RNF144A: variants seen among roughly 807,000 people sequenced by gnomAD.
RNF144A encodes ring finger protein 144A.
Under a neutral mutation model 38.7 loss-of-function variants are expected in RNF144A, and 11 were observed. The observed-to-expected ratio is 0.28, with a 90% confidence interval of 0.18 to 0.47. The LOEUF (loss-of-function observed/expected upper bound fraction) is 0.47, where lower values mean the gene tolerates loss of function less well. Ranked by LOEUF, RNF144A falls within the 20% of genes least tolerant of loss-of-function variation. RNF144A has a pLI of 0.99. For missense variants in RNF144A, 316 were observed against 377.2 expected, an observed-to-expected ratio of 0.84 and a Z score of 1.34; for synonymous variants, 149 against 143.9, an observed-to-expected ratio of 1.04 and a Z score of -0.25.
intron 2 of RNF144A, among the ~76,000 whole-genome samples, chr2:6,965,342 G>A (rs905246314): frequency 1.3e-5 from 2 of 152,142 alleles, no homozygotes; most frequent in African/African-American, 2.4e-5. Context: ...GGTGGGGAGC[G>A]GCCCCCACCA....
At chr2:6,952,582 G>A (rs575197881) in intron 2 of RNF144A, among the ~76,000 whole-genome samples, 111 of 149,706 alleles carry the variant, frequency 7.4e-4, no homozygotes, top group Admixed American at 4.2e-3. Context: ...AGTCAGTTTT[G>A]TTAAGCTTTA....
chr2:6,924,586 C>T (rs1271055568), intron 1 of RNF144A, among the ~76,000 whole-genome samples: 1 of 152,176 alleles, frequency 6.6e-6, no homozygotes, highest in Non-Finnish European at 1.5e-5. Flanking sequence ...GCTGAGGAGA[C>T]AGGGCTGTTG....
chr2:6,976,635 A>G (rs1177549172), intron 2 of RNF144A, among the ~76,000 whole-genome samples: 2 of 148,496 alleles, frequency 1.3e-5, no homozygotes, highest in East Asian at 1.9e-4. Context: ...TACATTTCAT[A>G]TATATAAATT....
intron 8 of RNF144A, among the ~76,000 whole-genome samples, chr2:7,033,821 A>G (rs975705172): frequency 7.2e-5 from 11 of 152,150 alleles, no homozygotes; most frequent in African/African-American, 2.4e-5. Flanking sequence ...CCTCTTTGGC[A>G]CTGGTCCTGT....
At chr2:7,052,031 C>A (rs1195651494) in intron 6 of RNF144A, among the ~76,000 whole-genome samples, 1 of 152,148 alleles carries the variant, frequency 6.6e-6, no homozygotes, top group Non-Finnish European at 1.5e-5. Context: ...AATTAGAATG[C>A]CTAATTGGAA....
chr2:6,959,770 T>C (rs1667224808), intron 2 of RNF144A, among the ~76,000 whole-genome samples: 1 of 152,130 alleles, frequency 6.6e-6, no homozygotes, highest in African/African-American at 2.4e-5. Flanking sequence ...TATGACCCAG[T>C]CATTTCTTAA....
chr2:7,075,787 A>C, the RNF144A span, among the ~76,000 whole-genome samples: 1 of 152,152 alleles, frequency 6.6e-6, no homozygotes, highest in Non-Finnish European at 1.5e-5. Flanking sequence ...GACACATGGC[A>C]TCACTTCCAC....
In RNF144A at chr2:6,969,922, C is replaced by T. The variant is rs182739103; in HGVS notation, c.-11-26994C>T. 4.8e-3 allele frequency among the ~76,000 whole-genome samples: 736 copies of T among 151,952 alleles called. 11 individuals carry two copies. Among genetic ancestry groups the T allele is most frequent in the African/African-American group, 0.017 (696 of 41,450 alleles). On this transcript the variant is annotated intron_variant, in intron 2 of 8. Transcript: ENST00000320892. ...GACTACAGGCGCACACTGCCACGCC[C>T]GGCTAATTTTTGTATTTTTAGTAGA... is the stretch of plus-strand genomic sequence containing the variant.
rs141714411 is a variant in RNF144A at position 7,038,699 on chromosome 2, T to G, written c.748-930T>G. Among the ~76,000 whole-genome samples the G allele has an allele frequency of 4.0e-5, 6 of 151,004 alleles. No individual in the cohort carries two copies. In the East Asian group the frequency reaches 7.8e-4, roughly 20 times the overall value. ...GATGGATATATAGTGGGCAGATGAGTGGGTGGGTGGGTAGATGGTGGGTAT... is the reference window on the plus strand; with the variant it reads ...GATGGATATATAGTGGGCAGATGAGGGGGTGGGTGGGTAGATGGTGGGTAT... On this transcript the variant is annotated intron_variant, in intron 8 of 8. Coordinates refer to ENST00000320892, the MANE Select transcript of RNF144A (RefSeq NM_014746.6).
chr2:7,048,554 T>G (rs2460409), downstream of RNF144A, among the ~76,000 whole-genome samples: 88,618 of 152,002 alleles, frequency 0.58, 26,307 homozygotes, highest in South Asian at 0.89. Flanking sequence ...CACGTGAAGG[T>G]CAAGGATGGG....
At chr2:7,010,170 G>A (rs368060750) in intron 3 of RNF144A, among the ~76,000 whole-genome samples, 4 of 152,152 alleles carry the variant, frequency 2.6e-5, no homozygotes, top group African/African-American at 7.2e-5. Flanking sequence ...CGCTGTCTCC[G>A]GGGTACTGGA....
At chr2:6,974,828 A>G (rs1268720193) in intron 2 of RNF144A, among the ~76,000 whole-genome samples, 1 of 152,238 alleles carries the variant, frequency 6.6e-6, no homozygotes, top group Non-Finnish European at 1.5e-5. Context: ...GAGTTAGCTC[A>G]GAGACAAAAA....
chr2:6,973,821 C>T (rs537171422), intron 2 of RNF144A, among the ~76,000 whole-genome samples: 4 of 152,206 alleles, frequency 2.6e-5, no homozygotes, highest in South Asian at 4.1e-4. Flanking sequence ...CGGCCATGCC[C>T]GTTGGCTTAC....
chr2:6,990,802 AGT>A (rs1669317932), intron 2 of RNF144A, among the ~76,000 whole-genome samples: 1 of 152,118 alleles, frequency 6.6e-6, no homozygotes, highest in Non-Finnish European at 1.5e-5. Context: ...CATGCTGAAT[AGT>A]TGCTCTCCCC....
chr2:7,020,045 G>T (rs1428328692), intron 5 of RNF144A, among the ~76,000 whole-genome samples: 1 of 152,108 alleles, frequency 6.6e-6, no homozygotes, highest in Non-Finnish European at 1.5e-5. Context: ...GCCATCAGGG[G>T]TCCAGCTTCA....
intron 3 of RNF144A, among the ~76,000 whole-genome samples, chr2:7,009,023 C>T (rs994506405): frequency 6.6e-6 from 1 of 152,246 alleles, no homozygotes; most frequent in Non-Finnish European, 1.5e-5. Context: ...TCACCAGCCA[C>T]CGTGTGAGGG....
At position 6,979,914 on chromosome 2, in the gene RNF144A, A is replaced by G. The variant is rs1357709296; in HGVS notation, c.-11-17002A>G. The stretch of plus-strand genomic sequence containing the variant: ...AGAGGTTTAATTGAATCAATTCTGC[A>G]TGGCTGGGGAGGCCTCAGGAAACTC... On this transcript the variant is annotated intron_variant, in intron 2 of 8. Coordinates refer to ENST00000320892, the MANE Select transcript of RNF144A (RefSeq NM_014746.6). 2.6e-5 allele frequency among the ~76,000 whole-genome samples: 4 copies of G among 152,218 alleles called. No individual in the cohort carries two copies. The East Asian group carries it at 5.8e-4, about 22-fold the overall frequency.
Position 7,024,053 on chromosome 2 carries a change from A to AC in RNF144A, c.510-314dup, listed in dbSNP as rs1410410878. The stretch of plus-strand genomic sequence containing the variant: ...TTGACCTTAACACTATGATTCAGAT[A>AC]CCTCCGTTATAATAAGCCTTTCGCT... On this transcript the variant is annotated intron_variant, in intron 6 of 8. Coordinates refer to ENST00000320892, the MANE Select transcript of RNF144A (RefSeq NM_014746.6). Among the ~76,000 whole-genome samples, 5 of 152,276 alleles carry AC rather than the reference A, an allele frequency of 3.3e-5. No individual in the cohort carries two copies. In the East Asian group the frequency reaches 7.7e-4, roughly 23 times the overall value.
chr2:6,968,684 T>A (rs943280952), intron 2 of RNF144A, among the ~76,000 whole-genome samples: 15 of 134,238 alleles, frequency 1.1e-4, no homozygotes, highest in African/African-American at 4.0e-4. Flanking sequence ...CAGAATTACC[T>A]GTCAATGTGT....
Sources: gnomAD v4.1 joint callset for allele counts (sites outside exome capture counted in the v4.1 genomes callset) on GRCh38, gnomAD v4.1.1 for gene constraint, MANE v1.5 for transcripts, NCBI Gene and HGNC (gene_info 2026-07-23, HGNC 2026-07-21) for gene names.